Variants in HIF1A observed in about 807,000 individuals in gnomAD.
The protein encoded by HIF1A is hypoxia-inducible factor 1-alpha.
In HIF1A, 24 loss-of-function variants were observed where a neutral mutation model predicts 92.7. The observed-to-expected ratio is 0.26, with a 90% CI of 0.19 to 0.36. The LOEUF (loss-of-function observed/expected upper bound fraction) is 0.36. Among genes scored for constraint, HIF1A ranks in the 10% least tolerant of loss-of-function variants. The pLI is 1.00. For synonymous variants in HIF1A, 319 were observed against 338.7 expected, an observed-to-expected ratio of 0.94 and a Z score of 0.64; for missense variants, 799 against 998.5, an observed-to-expected ratio of 0.80 and a Z score of 2.69.
In HIF1A at chr14:61,740,509, A is replaced by C; in HGVS notation, c.1541A>C (p.Asn514Thr). 1 of 1,579,000 alleles carries C rather than the reference A, an allele frequency of 6.3e-7. No homozygotes were observed. The highest frequency in any genetic ancestry group is 8.6e-7 in the Non-Finnish European group (1 of 1,160,822). Residue 514 changes from asparagine (N) to threonine (T), a missense_variant, in exon 11 of 15, where the codon AAT (asparagine) becomes ACT (threonine). Coordinates refer to ENST00000337138, the MANE Select transcript of HIF1A (RefSeq NM_001530.4). ...GSTRQSSPEP[N>T]SPSEYCFYVD... ...TAAACATATTTCTTTTTACAGCCTA[A>C]TAGTCCCAGTGAATATTGTTTTTAT...
chr14:61,745,935 A>C, intron 14 of HIF1A, 118 bp downstream of exon 14: 1 of 968,352 alleles, frequency 1.0e-6, no homozygotes, highest in Non-Finnish European at 1.5e-6. Flanking sequence ...TTAAAAAGTA[A>C]AGTTGTGGCT....
chr14:61,746,616 A>G (rs2044795135), intron 14 of HIF1A, among the ~76,000 whole-genome samples: 1 of 151,892 alleles, frequency 6.6e-6, no homozygotes, highest in South Asian at 2.1e-4. Context: ...GCTGGTTTCA[A>G]ACTCCTGGCC....
intron 6 of HIF1A, 42 bp from the exon 7 acceptor site, chr14:61,732,376 G>T (rs764501074): frequency 1.2e-5 from 16 of 1,328,974 alleles, no homozygotes; most frequent in Non-Finnish European, 1.3e-5. Context: ...CTTTATCAGT[G>T]TCTCCCTTTT....
intron 13 of HIF1A, 133 bp downstream of exon 13, chr14:61,744,946 G>A (rs929179239): frequency 1.2e-5 from 6 of 490,138 alleles, no homozygotes; most frequent in Middle Eastern, 5.3e-4. Flanking sequence ...TTATACATTG[G>A]GTTTTTTTAC....
At chr14:61,718,011 A>G (rs2044382759) in intron 1 of HIF1A, among the ~76,000 whole-genome samples, 1 of 104,800 alleles carries the variant, frequency 9.5e-6, no homozygotes, top group Non-Finnish European at 2.5e-5. Flanking sequence ...ACAAGAGCAG[A>G]ACTCCATTAA....
chr14:61,745,257 T>C (rs530093301), intron 13 of HIF1A, among the ~76,000 whole-genome samples: 1 of 152,250 alleles, frequency 6.6e-6, no homozygotes, highest in South Asian at 2.1e-4. Context: ...ACCCTGTCTC[T>C]ACTAAAAATA....
At chr14:61,744,665 AAAAACGCTAT>A in intron 12 of HIF1A, 30 bp from the exon 13 acceptor site, 1 of 843,558 alleles carries the variant, frequency 1.2e-6, no homozygotes, top group East Asian at 2.6e-5. Context: ...TATTTTTTTT[AAAAACGCTAT>A]ATTTTCATTT....
At chr14:61,711,206 CCTT>C (rs1358268076) in intron 1 of HIF1A, among the ~76,000 whole-genome samples, 1 of 112,808 alleles carries the variant, frequency 8.9e-6, no homozygotes, top group African/African-American at 3.4e-5. Context: ...TTTAAGTATT[CCTT>C]TTTTTTTTTT....
Position 61,698,734 on chromosome 14 carries a change from T to C in HIF1A, c.35+2895T>C, listed in dbSNP as rs142215798. Among the ~76,000 whole-genome samples the C allele has an allele frequency of 1.1e-4, 16 of 152,304 alleles. No homozygotes were observed. The East Asian group carries it at 2.9e-3, about 28-fold the overall frequency. On this transcript the variant is annotated intron_variant, in intron 1 of 14. Coordinates refer to ENST00000337138, the MANE Select transcript of HIF1A (RefSeq NM_001530.4). ...CAAAAGAGTACATCCTTGGGTTATA[T>C]TGGCACCTAGTATCAGTTATTTTTC...
intron 4 of HIF1A, among the ~76,000 whole-genome samples, chr14:61,724,352 T>TCTCTCTCTCTCTCC: frequency 9.0e-6 from 1 of 111,182 alleles, no homozygotes; most frequent in African/African-American, 5.4e-5. Flanking sequence ...ACACACATTC[T>TCTCTCTCTCTCTCC]CTCTCTCTCT....
intron 1 of HIF1A, among the ~76,000 whole-genome samples, chr14:61,701,942 C>T (rs1351079066): frequency 1.3e-5 from 2 of 151,830 alleles, no homozygotes; most frequent in African/African-American, 2.4e-5. Context: ...GAGCCAAGAT[C>T]GCCCCATTGC....
intron 10 of HIF1A, among the ~76,000 whole-genome samples, chr14:61,739,220 T>TAGTA (rs769135894): frequency 1.2e-4 from 19 of 152,332 alleles, no homozygotes; most frequent in Admixed American, 6.5e-4. Context: ...AATAAATACT[T>TAGTA]AGTAACTGGT....
chr14:61,738,499 A>G, intron 10 of HIF1A, 126 bp downstream of exon 10: 1 of 935,806 alleles, frequency 1.1e-6, no homozygotes, highest in Non-Finnish European at 1.6e-6. Context: ...TTTGAATTTT[A>G]GCACTTTAAA....
chr14:61,706,119 A>G (rs940062835), intron 1 of HIF1A, among the ~76,000 whole-genome samples: 2 of 152,156 alleles, frequency 1.3e-5, no homozygotes, highest in Non-Finnish European at 2.9e-5. Flanking sequence ...CTAAGAGCAT[A>G]TAAATAAGGG....
At chr14:61,704,608 A>G (rs780488896) in intron 1 of HIF1A, among the ~76,000 whole-genome samples, 4 of 152,208 alleles carry the variant, frequency 2.6e-5, no homozygotes, top group Non-Finnish European at 5.9e-5. Flanking sequence ...AAATATTTAA[A>G]TGGTTATAGT....
chr14:61,738,229 T>C lies in HIF1A; in HGVS notation c.1392T>C (p.Ser464=). Residue 464 remains serine (S), a synonymous_variant, in exon 10 of 15, where the codon AGT becomes AGC. Coordinates refer to ENST00000337138, the MANE Select transcript of HIF1A (RefSeq NM_001530.4). ...CTGAAACGCCAAAGCCACTTCGAAG[T>C]AGTGCTGACCCTGCACTCAATCAAG... ...PTAETPKPLR[S]SADPALNQEV... is the part of the protein sequence containing the mutation. 6.2e-7 allele frequency: 1 copy of C among 1,614,070 alleles called. No individual in the cohort carries two copies. The highest frequency in any genetic ancestry group is 2.2e-5 in the East Asian group (1 of 44,882).
intron 4 of HIF1A, among the ~76,000 whole-genome samples, chr14:61,725,396 A>T (rs1261728637): frequency 6.8e-6 from 1 of 147,428 alleles, no homozygotes; most frequent in East Asian, 2.0e-4. Flanking sequence ...TAAGAAATCA[A>T]GAGGCTAGTT....
At chr14:61,707,528 T>C (rs188422311) in intron 1 of HIF1A, among the ~76,000 whole-genome samples, 1 of 150,348 alleles carries the variant, frequency 6.7e-6, no homozygotes, top group Non-Finnish European at 1.5e-5. Flanking sequence ...CATTGTTCAG[T>C]TCCTACCTAT....
intron 8 of HIF1A, among the ~76,000 whole-genome samples, chr14:61,735,399 T>G (rs890115505): frequency 3.9e-5 from 6 of 152,220 alleles, no homozygotes; most frequent in Non-Finnish European, 8.8e-5. Flanking sequence ...TTTACCATTA[T>G]GTAAGAATCT....
Sources: gnomAD v4.1 joint callset for allele counts (sites outside exome capture counted in the v4.1 genomes callset) on GRCh38, gnomAD v4.1.1 for gene constraint, MANE v1.5 for transcripts, NCBI Gene and HGNC (gene_info 2026-07-23, HGNC 2026-07-21) for gene names.